The following EFR3B variants were observed in gnomAD, a reference collection of about 807,000 sequenced individuals.
The protein encoded by EFR3B is EFR3 homolog B.
EFR3B carries 64 observed loss-of-function variants against 104.7 expected under a neutral mutation model. That is an observed-to-expected ratio of 0.61 (90% CI 0.50 to 0.75). The LOEUF is 0.75. Ranked by LOEUF, EFR3B falls within the 30% of genes least tolerant of loss-of-function variation. EFR3B has a pLI of 0.00. For missense variants in EFR3B, 750 were observed against 1,078.5 expected, an observed-to-expected ratio of 0.70 and a Z score of 4.27; for synonymous variants, 385 against 417.9, an observed-to-expected ratio of 0.92 and a Z score of 0.96.
At chr2:25,062,654 G>C (rs1165993545) in intron 1 of EFR3B, among the ~76,000 whole-genome samples, 3 of 152,324 alleles carry the variant, frequency 2.0e-5, no homozygotes, top group East Asian at 1.9e-4. Context: ...GACAACTTAC[G>C]TGCCGAGTAG....
At chr2:25,140,788 C>T (rs1442375329) in intron 16 of EFR3B, among the ~76,000 whole-genome samples, 1 of 152,132 alleles carries the variant, frequency 6.6e-6, no homozygotes, top group East Asian at 1.9e-4. Flanking sequence ...CAGCCTTAAT[C>T]CCAGCACTTT....
Position 25,131,105 on chromosome 2 carries a change from T to C in EFR3B, c.850-263T>C, listed in dbSNP as rs1182902746. On this transcript the variant is annotated intron_variant, in intron 8 of 22. Coordinates refer to ENST00000403714, the MANE Select transcript of EFR3B (RefSeq NM_014971.2). The surrounding 1 kb of genome is among the most constrained non-coding windows in gnomAD (Gnocchi z 7.6). ...CTGAAGAAATGAAAGGAAGACCCTA[T>C]TTTAAAATGGTCTTTTGACCAATTT... Among the ~76,000 whole-genome samples the C allele has an allele frequency of 6.6e-6, 1 of 152,186 alleles. No individual in the cohort carries two copies. The highest frequency in any genetic ancestry group is 6.5e-5 in the Admixed American group (1 of 15,284).
chr2:25,127,883 A>G (rs942116984), intron 5 of EFR3B, among the ~76,000 whole-genome samples: 2 of 152,198 alleles, frequency 1.3e-5, no homozygotes, highest in Non-Finnish European at 2.9e-5. Context: ...AAGCTGGAAC[A>G]ACCCCAGCTA....
intron 19 of EFR3B, among the ~76,000 whole-genome samples, chr2:25,148,921 CAAAAAAAAAAAAA>C (rs57218512): frequency 5.8e-5 from 4 of 68,476 alleles, no homozygotes; most frequent in African/African-American, 2.4e-4. Flanking sequence ...GACTCCGTCT[CAAAAAAAAAAAAA>C]AAAAAAAAAA....
At chr2:25,143,619 C>T (rs180972685) in intron 17 of EFR3B, 116 bp from the exon 18 acceptor site, 6 of 1,310,622 alleles carry the variant, frequency 4.6e-6, no homozygotes, top group Non-Finnish European at 6.2e-6. Flanking sequence ...GAGATCGCAC[C>T]ACCACACTCC....
At chr2:25,121,486 T>G (rs1475461784) in intron 4 of EFR3B, among the ~76,000 whole-genome samples, 187 bp from the exon 5 acceptor site, 1 of 152,194 alleles carries the variant, frequency 6.6e-6, no homozygotes. Flanking sequence ...CCAATCTTAT[T>G]GTGCAACAGG....
chr2:25,056,138 C>A (rs1344962264), intron 1 of EFR3B, among the ~76,000 whole-genome samples: 1 of 152,206 alleles, frequency 6.6e-6, no homozygotes, highest in Non-Finnish European at 1.5e-5. Context: ...GTAGTGACAG[C>A]AATAACATTT....
intron 5 of EFR3B, among the ~76,000 whole-genome samples, chr2:25,126,965 G>A (rs1670184477): frequency 1.3e-5 from 2 of 151,736 alleles, no homozygotes; most frequent in African/African-American, 2.4e-5. Flanking sequence ...AGGCTGAGGC[G>A]GGTAGATCAT....
intron 3 of EFR3B, among the ~76,000 whole-genome samples, chr2:25,096,822 G>A (rs1278076900): frequency 6.6e-6 from 1 of 152,170 alleles, no homozygotes; most frequent in Non-Finnish European, 1.5e-5. Flanking sequence ...GGGTGGAGAG[G>A]TCTAGAAAGC....
Position 25,046,913 on chromosome 2 carries a change from C to T in EFR3B, c.7+4594C>T, listed in dbSNP as rs1262159271. On this transcript the variant is annotated intron_variant, in intron 1 of 22. Coordinates refer to ENST00000403714, the MANE Select transcript of EFR3B (RefSeq NM_014971.2). ...ACACACATAAACCAGCCTCCTCCCC[C>T]AGATCCTAAGGTTTCTGCAGCCCCA... is the stretch of plus-strand genomic sequence containing the variant. Among the ~76,000 whole-genome samples the T allele has an allele frequency of 1.3e-5, 2 of 152,200 alleles. 1 individual carries two copies. Among genetic ancestry groups the T allele is most frequent in the South Asian group, 4.1e-4 (2 of 4,834 alleles).
intron 17 of EFR3B, among the ~76,000 whole-genome samples, chr2:25,142,944 TAAAAAA>T (rs767559729): frequency 1.9e-4 from 21 of 109,288 alleles, no homozygotes; most frequent in African/African-American, 6.9e-4. Flanking sequence ...ACCCTGTCTT[TAAAAAA>T]AAAAAAAAAA....
intron 1 of EFR3B, among the ~76,000 whole-genome samples, chr2:25,083,078 A>G (rs1362267550): frequency 1.3e-5 from 2 of 152,204 alleles, no homozygotes; most frequent in Non-Finnish European, 2.9e-5. Flanking sequence ...GTTTATTCCT[A>G]CTGATTTGCC....
At position 25,131,954 on chromosome 2, in the gene EFR3B, C is replaced by T; in HGVS notation, c.1147+43C>T. 9.9e-6 allele frequency: 1 copy of T among 100,808 alleles called. No individual in the cohort carries two copies. The highest frequency in any genetic ancestry group is 1.6e-5 in the Non-Finnish European group (1 of 60,666). The allele number at this position is 100,808 out of a possible 1,614,324, so 6.2% of individuals were successfully genotyped here. ...GCCGGGGCGGGGCGGGGCCGAGGCGCGGAGTGGGGAGGGGAGGGGAGGGAC... is the reference window on the plus strand; with the variant it reads ...GCCGGGGCGGGGCGGGGCCGAGGCGTGGAGTGGGGAGGGGAGGGGAGGGAC... On this transcript the variant is annotated intron_variant, in intron 10 of 22. Transcript: ENST00000403714. This position sits in a 1 kb window ranked among gnomAD's most constrained non-coding sequence, Gnocchi z 7.6.
intron 1 of EFR3B, among the ~76,000 whole-genome samples, chr2:25,051,421 C>T (rs570273089): frequency 6.6e-6 from 1 of 151,492 alleles, no homozygotes; most frequent in African/African-American, 2.4e-5. Context: ...AGCCTGATTT[C>T]TCTTTTGATG....
In EFR3B at chr2:25,155,706, C is replaced by T. The variant is rs1671147210; in HGVS notation, c.*1366C>T. ...CAGTGCCATGTGGTCCAAAATTGCC[C>T]TTTCCTTCTCCGTTAGTCACATTTC... is the stretch of plus-strand genomic sequence containing the variant. On this transcript the variant is annotated 3_prime_UTR_variant, in exon 23 of 23. Coordinates refer to ENST00000403714, the MANE Select transcript of EFR3B (RefSeq NM_014971.2). 6.6e-6 allele frequency: 1 copy of T among 152,198 alleles called. No homozygotes were observed. The highest frequency in any genetic ancestry group is 1.5e-5 in the Non-Finnish European group (1 of 68,068). 9.4% of individuals were successfully genotyped at this position (152,198 alleles called of 1,614,324 possible).
At chr2:25,145,149 A>C in intron 19 of EFR3B, 98 bp downstream of exon 19, 1 of 1,076,062 alleles carries the variant, frequency 9.3e-7, no homozygotes, top group East Asian at 2.6e-5. Flanking sequence ...TTAAGGCTGC[A>C]TGGAAAGCAA....
rs1553383964 is a variant in EFR3B at position 25,051,637 on chromosome 2, G to GTGTGT, written c.7+9319_7+9320insGTGTT. On this transcript the variant is annotated intron_variant, in intron 1 of 22. Coordinates refer to ENST00000403714, the MANE Select transcript of EFR3B (RefSeq NM_014971.2). ...ACATTTCTCTTTTGTGTGTGTGTGT[G>GTGTGT]TTTTTTTTTTTTTTTTCAGACACAG... is the stretch of plus-strand genomic sequence containing the variant. 1.6e-3 allele frequency among the ~76,000 whole-genome samples: 213 copies of GTGTGT among 136,734 alleles called. 2 individuals are homozygous for GTGTGT. Among genetic ancestry groups the GTGTGT allele is most frequent in the Admixed American group, 4.1e-3 (57 of 14,008 alleles). 89.7% of individuals were successfully genotyped at this position (136,734 alleles called of 152,430 possible).
rs1051784484 is a variant in EFR3B, at chr2:25,131,189, T to C, written c.850-179T>C. ...AGGCCTCCACTGGGATTTGGCTCTTTGTTGGAGGGAGAAGGGAAGGATCCA... is the reference window on the plus strand; with the variant it reads ...AGGCCTCCACTGGGATTTGGCTCTTCGTTGGAGGGAGAAGGGAAGGATCCA... On this transcript the variant is annotated intron_variant, in intron 8 of 22. Coordinates refer to ENST00000403714, the MANE Select transcript of EFR3B (RefSeq NM_014971.2). This position sits in a 1 kb window ranked among gnomAD's most constrained non-coding sequence, Gnocchi z 7.6. Among the ~76,000 whole-genome samples, 7 of 152,358 alleles carry C rather than the reference T, an allele frequency of 4.6e-5. No homozygotes were observed. The highest frequency in any genetic ancestry group is 1.2e-4 in the African/African-American group (5 of 41,592).
intron 4 of EFR3B, among the ~76,000 whole-genome samples, chr2:25,118,812 G>T (rs1018007588): frequency 6.6e-6 from 1 of 150,884 alleles, no homozygotes; most frequent in African/African-American, 2.4e-5. Context: ...AGGCCAAGGC[G>T]GGCGGATCAT....
Sources: gnomAD v4.1 joint callset for allele counts (sites outside exome capture counted in the v4.1 genomes callset) on GRCh38, gnomAD v4.1.1 for gene constraint, Gnocchi (gnomAD v3.1) non-coding constraint, MANE v1.5 for transcripts, NCBI Gene and HGNC (gene_info 2026-07-23, HGNC 2026-07-21) for gene names.